Variants in LSP1 observed in about 807,000 individuals in gnomAD.
LSP1 encodes the protein lymphocyte specific protein 1, also known as lymphocyte-specific protein 1.
In LSP1, 32 loss-of-function variants were observed where a neutral mutation model predicts 49.3. That is an observed-to-expected ratio of 0.65 (90% CI 0.49 to 0.87). LSP1 has a LOEUF of 0.87. Among genes scored for constraint, LSP1 ranks in the 40% least tolerant of loss-of-function variants. The probability of loss-of-function intolerance (pLI) is 0.00; values close to 1 mark genes in which losing one functional copy is unlikely to be tolerated. For missense variants in LSP1, 428 were observed against 442.6 expected, an observed-to-expected ratio of 0.97 and a Z score of 0.30; for synonymous variants, 179 against 178.8, an observed-to-expected ratio of 1.00 and a Z score of -0.01.
intron 1 of LSP1, among the ~76,000 whole-genome samples, chr11:1,856,989 C>T (rs1000990983): frequency 4.6e-5 from 7 of 152,200 alleles, no homozygotes; most frequent in Non-Finnish European, 7.3e-5. Context: ...CCCTGGGGCT[C>T]CCTCCCTACA....
rs1589833853 is a variant in LSP1 at position 1,888,010 on chromosome 11, A to G, written c.*13+434A>G. ...GAACTTAGGTCCTACTCCCTGTCCCAGCCGAGAGCGATTCAGAGGTCCTGA... is the reference window on the plus strand; with the variant it reads ...GAACTTAGGTCCTACTCCCTGTCCCGGCCGAGAGCGATTCAGAGGTCCTGA... On this transcript the variant is annotated intron_variant, in intron 10 of 10. Transcript: ENST00000311604. Among the ~76,000 whole-genome samples the G allele has an allele frequency of 2.0e-5, 3 of 152,282 alleles. No homozygotes were observed. In the Middle Eastern group the frequency reaches 0.01, roughly 518 times the overall value.
intron 1 of LSP1, chr11:1,870,350 G>T: frequency 7.8e-7 from 1 of 1,274,046 alleles, no homozygotes; most frequent in South Asian, 1.3e-5. Flanking sequence ...GACATACACC[G>T]GGGAGTCTCC....
intron 1 of LSP1, chr11:1,870,832 C>T (rs979968072): frequency 7.7e-5 from 76 of 987,292 alleles, no homozygotes; most frequent in Non-Finnish European, 8.7e-5. Context: ...GGACTGGTTG[C>T]GTGTCCCAGA....
chr11:1,868,801 C>A (rs964900231), intron 1 of LSP1: 60 of 985,660 alleles, frequency 6.1e-5, no homozygotes, highest in Non-Finnish European at 7.1e-5. Context: ...CAGAGGACGG[C>A]GGTTCAGGCT....
intron 1 of LSP1, among the ~76,000 whole-genome samples, chr11:1,878,502 C>T (rs1285256731): frequency 6.6e-5 from 10 of 151,716 alleles, no homozygotes; most frequent in African/African-American, 1.9e-4. Flanking sequence ...GGTGCACAGG[C>T]GGCTGGGTTT....
chr11:1,873,143 C>T (rs965745582), intron 1 of LSP1, among the ~76,000 whole-genome samples: 2 of 149,028 alleles, frequency 1.3e-5, no homozygotes, highest in Admixed American at 6.7e-5. Context: ...GAGTTGAGGG[C>T]TGGCATCTGG....
chr11:1,876,375 C>A, intron 1 of LSP1: 1 of 898,134 alleles, frequency 1.1e-6, no homozygotes, highest in Non-Finnish European at 1.3e-6. Flanking sequence ...CTCCCCAGGC[C>A]TCCTGCCAGC....
Position 1,887,365 on chromosome 11 carries a change from G to A in LSP1, c.930+51G>A, listed in dbSNP as rs773496099. On this transcript the variant is annotated intron_variant, in intron 9 of 10. Transcript: ENST00000311604. The stretch of plus-strand genomic sequence containing the variant: ...GGCAGGGTGGGTGCAGCAGGGGAGG[G>A]CAAAGAGGGACTGTCCTCTGTGCAT... 25 of 1,588,898 alleles carry A rather than the reference G, an allele frequency of 1.6e-5. No individual in the cohort carries two copies. In the African/African-American group the frequency reaches 2.8e-4, roughly 18 times the overall value.
intron 1 of LSP1, chr11:1,865,383 T>C: frequency 3.5e-6 from 1 of 286,972 alleles, no homozygotes; most frequent in Non-Finnish European, 5.2e-6. Flanking sequence ...GCCCCAAGCG[T>C]GGGCAGCGAG....
In LSP1 at chr11:1,870,206, C is replaced by A. The variant is rs763589974; in HGVS notation, c.54-9881C>A. The A allele has an allele frequency of 8.3e-5, 96 of 1,159,912 alleles. 2 individuals carry two copies. The South Asian group carries it at 1.2e-3, about 14-fold the overall frequency. 71.9% of individuals were successfully genotyped at this position (1,159,912 alleles called of 1,614,324 possible). ...CTCAGCCATGAGGACATCCCAAGGC[C>A]ATGTGAGTCTCCCACGGCCCACTGA... is the stretch of plus-strand genomic sequence containing the variant. On this transcript the variant is annotated intron_variant, in intron 1 of 10. Transcript: ENST00000311604.
At chr11:1,859,298 C>A (rs907331228) in intron 1 of LSP1, among the ~76,000 whole-genome samples, 3 of 152,122 alleles carry the variant, frequency 2.0e-5, no homozygotes, top group Admixed American at 2.0e-4. Flanking sequence ...TTCCCAGAGT[C>A]CCCAGTCTCC....
chr11:1,880,040 C>T (rs1382261744), intron 1 of LSP1, 47 bp from the exon 2 acceptor site: 2 of 1,596,690 alleles, frequency 1.3e-6, no homozygotes, highest in African/African-American at 1.4e-5. Context: ...TGCAAAACAG[C>T]ACCTGTGTCG....
Position 1,887,136 on chromosome 11 carries a change from C to T in LSP1, c.853-101C>T, listed in dbSNP as rs546852931. 3.0e-5 allele frequency: 35 copies of T among 1,181,288 alleles called. No homozygotes were observed. In the East Asian group the frequency reaches 8.9e-4, roughly 30 times the overall value. The allele number at this position is 1,181,288 out of a possible 1,614,324, so 73.2% of individuals were successfully genotyped here. The stretch of plus-strand genomic sequence containing the variant: ...AAGTTTAGGTAGGCAGATCCCAGGC[C>T]CCCTGGCCAGGTAAGGCAAGGCGGG... On this transcript the variant is annotated intron_variant, in intron 8 of 10. Transcript: ENST00000311604.
intron 1 of LSP1, chr11:1,859,403 T>G (rs1348161908): frequency 1.3e-5 from 2 of 152,810 alleles, no homozygotes; most frequent in Non-Finnish European, 1.5e-5. Flanking sequence ...ACTGCTTCTT[T>G]CTGCTCCAGA....
chr11:1,855,044 G>A (rs770654806), intron 1 of LSP1, among the ~76,000 whole-genome samples: 18 of 152,202 alleles, frequency 1.2e-4, no homozygotes, highest in Admixed American at 2.0e-4. Flanking sequence ...GCTGTCAGGC[G>A]CTCCAGCTGG....
chr11:1,870,534 T>A (rs1210139966), intron 1 of LSP1: 2 of 1,166,690 alleles, frequency 1.7e-6, no homozygotes, highest in Non-Finnish European at 2.2e-6. Context: ...TGTGGGGGTG[T>A]CAGGAAGAGG....
intron 1 of LSP1, among the ~76,000 whole-genome samples, chr11:1,873,129 T>C (rs1848114471): frequency 6.8e-6 from 1 of 148,028 alleles, no homozygotes; most frequent in Admixed American, 6.7e-5. Flanking sequence ...CCTCAGGTCA[T>C]CAAGAGTTGA....
chr11:1,857,588 G>T (rs1374143927), intron 1 of LSP1, among the ~76,000 whole-genome samples: 1 of 152,188 alleles, frequency 6.6e-6, no homozygotes, highest in Non-Finnish European at 1.5e-5. Context: ...GCGGGAGGGG[G>T]ATGGGCTGCA....
intron 1 of LSP1, among the ~76,000 whole-genome samples, chr11:1,878,846 G>C (rs912741016): frequency 7.2e-5 from 11 of 152,140 alleles, no homozygotes; most frequent in Non-Finnish European, 4.4e-5. Context: ...GGAGGGCGAT[G>C]GGAGGCAGGG....
Sources: allele counts gnomAD v4.1 joint callset (sites outside exome capture counted in the v4.1 genomes callset), GRCh38; gene constraint gnomAD v4.1.1; transcripts MANE v1.5; gene names NCBI Gene and HGNC (gene_info 2026-07-23, HGNC 2026-07-21).